Variants in FUS observed in about 807,000 individuals in gnomAD.
FUS encodes FUS RNA binding protein, also known as RNA-binding protein FUS.
Under a neutral mutation model 82.7 loss-of-function variants are expected in FUS, and 5 were observed. The ratio of observed to expected loss-of-function variants is 0.06; its 90% CI spans 0.03 to 0.13. The LOEUF (loss-of-function observed/expected upper bound fraction) is 0.13. Ranked by LOEUF, FUS falls within the 10% of genes least tolerant of loss-of-function variation. FUS has a pLI of 1.00. For synonymous variants in FUS, 281 were observed against 247.4 expected (o/e 1.14, Z -1.27); for missense variants, 512 against 707.8 (o/e 0.72, Z 3.14).
chr16:31,185,232 C>T, intron 6 of FUS, 53 bp downstream of exon 6: 1 of 1,537,452 alleles, frequency 6.5e-7, no homozygotes. Flanking sequence ...TGGAGGATTG[C>T]ATGAATCTCC....
At chr16:31,186,516 G>A (rs2079272530) in intron 6 of FUS, 5 of 509,976 alleles carry the variant, frequency 9.8e-6, no homozygotes, top group East Asian at 6.5e-5. Context: ...CTGCTCCATC[G>A]GAAGAACGAC....
chr16:31,192,736 A>G (rs1208412703), downstream of FUS: 4 of 480,592 alleles, frequency 8.3e-6, no homozygotes, highest in Admixed American at 7.0e-5. Flanking sequence ...ATGCCCACCT[A>G]GTTTTTGCAT....
At chr16:31,190,919 A>G in intron 13 of FUS, 44 bp from the exon 14 acceptor site, 1 of 1,612,604 alleles carries the variant, frequency 6.2e-7, no homozygotes, top group Non-Finnish European at 8.5e-7. Context: ...CTCGGGGAAC[A>G]TAGGGGAATG....
At chr16:31,190,876 G>C (rs13331793) in intron 13 of FUS, 34 bp downstream of exon 13, 2 of 1,613,066 alleles carry the variant, frequency 1.2e-6, no homozygotes, top group South Asian at 2.2e-5. Flanking sequence ...AGGGAGCTGG[G>C]ACCAAAGAAT....
downstream of FUS, chr16:31,193,140 C>T: frequency 2.1e-6 from 1 of 485,414 alleles, no homozygotes; most frequent in Non-Finnish European, 4.1e-6. Flanking sequence ...CGGGGTTTCT[C>T]CATGTTGGTC....
chr16:31,180,564 C>T (rs747623260), intron 1 of FUS, among the ~76,000 whole-genome samples: 1 of 152,248 alleles, frequency 6.6e-6, no homozygotes, highest in African/African-American at 2.4e-5. Flanking sequence ...CGGCCCCGCG[C>T]TCGAGCCCGC....
chr16:31,192,038 G>T (rs1056449276), downstream of FUS: 1 of 532,974 alleles, frequency 1.9e-6, no homozygotes, highest in African/African-American at 1.9e-5. Context: ...GTCTTTCACA[G>T]GAAGGAGAGT....
In FUS at chr16:31,188,415, GATGTTCTTTGAAACTATT is replaced by G. The variant is rs1387148442; in HGVS notation, c.832+61_832+78del. 13 of 1,560,338 alleles carry G rather than the reference GATGTTCTTTGAAACTATT, an allele frequency of 8.3e-6. No individual in the cohort carries two copies. The African/African-American group carries it at 1.1e-4, about 13-fold the overall frequency. On this transcript the variant is annotated intron_variant, in intron 8 of 14. Transcript: ENST00000254108. ...GCTAAAGTGGTATCAAGACTGCCTG[GATGTTCTTTGAAACTATT>G]ATAAAAAGGAAACTGAAAAAAATGG... is the stretch of plus-strand genomic sequence containing the variant.
At chr16:31,189,296 G>T in intron 9 of FUS, 70 bp downstream of exon 9, 3 of 1,165,824 alleles carry the variant, frequency 2.6e-6, no homozygotes, top group Non-Finnish European at 3.9e-6. Flanking sequence ...ATTAGTAAAA[G>T]CAAGTCTTTA....
chr16:31,185,403 G>A, intron 6 of FUS: 1 of 642,210 alleles, frequency 1.6e-6, no homozygotes, highest in East Asian at 2.7e-5. Context: ...GAGATTTTGA[G>A]TAATGATACT....
intron 6 of FUS, chr16:31,185,799 C>T (rs1388650129): frequency 1.4e-5 from 4 of 292,406 alleles, no homozygotes; most frequent in African/African-American, 2.1e-5. Context: ...GTTCCACTGT[C>T]TGCCTTCCCC....
chr16:31,183,120 G>T, intron 3 of FUS: 1 of 239,744 alleles, frequency 4.2e-6, no homozygotes, highest in Non-Finnish European at 8.3e-6. Flanking sequence ...GTCCTTTACA[G>T]GGCATTGTGG....
Position 31,184,373 on chromosome 16 carries a change from G to A in FUS, c.500G>A (p.Gly167Asp), listed in dbSNP as rs2079227796. 3.1e-6 allele frequency: 5 copies of A among 1,605,864 alleles called. No homozygotes were observed. Among genetic ancestry groups the A allele is most frequent in the Non-Finnish European group, 4.3e-6 (5 of 1,175,036 alleles). Residue 167 changes from glycine (G) to aspartate (D), a missense_variant, in exon 5 of 15, where the codon GGT (glycine) becomes GAT (aspartate). Transcript: ENST00000254108. The part of the protein sequence containing the change: ...QQNQYNSSSG[G>D]GGGGGGGGNY... ...AACCAGTACAACAGCAGCAGTGGTG[G>A]TGGAGGTGGAGGTGGAGGTGGAGGT...
In FUS at chr16:31,190,154, C is replaced by G. The variant is rs758786232; in HGVS notation, c.1168+13C>G. ...CGAGGGCGAGGAGGTGAGGAGCTACCTGCTAGTGGTGCAGAGGGGTAATGG... is the reference window on the plus strand; with the variant it reads ...CGAGGGCGAGGAGGTGAGGAGCTACGTGCTAGTGGTGCAGAGGGGTAATGG... On this transcript the variant is annotated intron_variant, in intron 11 of 14. Transcript: ENST00000254108. 1 of 1,614,036 alleles carries G rather than the reference C, an allele frequency of 6.2e-7. No individual in the cohort carries two copies. The highest frequency in any genetic ancestry group is 1.1e-5 in the South Asian group (1 of 91,070).
intron 7 of FUS, 48 bp from the exon 8 acceptor site, chr16:31,188,277 T>C: frequency 1.3e-6 from 2 of 1,599,704 alleles, no homozygotes; most frequent in South Asian, 2.3e-5. Context: ...GGCTCATCTT[T>C]TCCTTGTTTT....
chr16:31,180,195 C>G lies in FUS; in HGVS notation c.-20C>G, dbSNP rs1439152844. 1.9e-6 allele frequency: 3 copies of G among 1,610,814 alleles called. No individual in the cohort carries two copies. The highest frequency in any genetic ancestry group is 1.1e-5 in the South Asian group (1 of 90,480). ...TGTTGGAACTTCGTTGCTTGCTTGC[C>G]TGTGCGCGCGTGCGCGGACATGGCC... On this transcript the variant is annotated 5_prime_UTR_variant, in exon 1 of 15. Transcript: ENST00000254108.
downstream of FUS, chr16:31,192,630 G>A (rs933410847): frequency 6.2e-6 from 3 of 483,474 alleles, no homozygotes; most frequent in South Asian, 3.1e-5. Context: ...GCGTGATCTC[G>A]GCTCACTGTA....
Position 31,189,644 on chromosome 16 carries a change from AC to A in FUS, c.937-19del. 5 of 1,614,024 alleles carry A rather than the reference AC, an allele frequency of 3.1e-6. No individual in the cohort carries two copies. The African/African-American group carries it at 6.7e-5, about 22-fold the overall frequency. The stretch of plus-strand genomic sequence containing the variant: ...TACTGTAGCCTTTAAAATTGATGTT[AC>A]CTCATTTTGCTTTCTTCAGACAAAC... On this transcript the variant is annotated intron_variant, in intron 9 of 14. Coordinates refer to ENST00000254108, the MANE Select transcript of FUS (RefSeq NM_004960.4).
In FUS at chr16:31,184,008, G is replaced by C. The variant is rs1380009716; in HGVS notation, c.335+6G>C. 1 of 1,614,040 alleles carries C rather than the reference G, an allele frequency of 6.2e-7. No homozygotes were observed. The highest frequency in any genetic ancestry group is 8.5e-7 in the Non-Finnish European group (1 of 1,180,028). Reference sequence around the variant, plus strand: ...CCCAGCAGCACCTCGGGAAGGTACGGTGGTGTTGATGTCGGGGAAGGCTTG... The same window carrying C: ...CCCAGCAGCACCTCGGGAAGGTACGCTGGTGTTGATGTCGGGGAAGGCTTG... On this transcript the variant is annotated splice_donor_region_variant and intron_variant, in intron 4 of 14. Transcript: ENST00000254108.
Sources: allele counts gnomAD v4.1 joint callset (sites outside exome capture counted in the v4.1 genomes callset), GRCh38; gene constraint gnomAD v4.1.1; transcripts MANE v1.5; gene names NCBI Gene and HGNC (gene_info 2026-07-23, HGNC 2026-07-21).